MYO18A: variants seen among roughly 807,000 people sequenced by gnomAD.
MYO18A encodes the protein unconventional myosin-XVIIIa.
A neutral mutation model predicts 235.8 loss-of-function variants in MYO18A; 78 were observed. That is an observed-to-expected ratio of 0.33 (90% CI 0.28 to 0.40). The LOEUF is 0.40. MYO18A is among the 10% of genes least tolerant of loss of function. MYO18A has a pLI of 1.00. For synonymous variants in MYO18A, 977 were observed against 1,077.8 expected, an observed-to-expected ratio of 0.91 and a Z score of 1.83; for missense variants, 2,215 against 2,699.3, an observed-to-expected ratio of 0.82 and a Z score of 3.98.
intron 40 of MYO18A, among the ~76,000 whole-genome samples, chr17:29,084,559 G>C (rs533783004): frequency 6.6e-6 from 1 of 152,158 alleles, no homozygotes; most frequent in Non-Finnish European, 1.5e-5. Context: ...TTATGTCCGG[G>C]CTCATGTGCT....
At chr17:29,133,726 C>T in intron 2 of MYO18A, 1 of 1,146,618 alleles carries the variant, frequency 8.7e-7, no homozygotes, top group East Asian at 5.7e-5. Context: ...CTCCCACAAG[C>T]CAGTCTCCTG....
chr17:29,151,214 A>G (rs2067958265), intron 2 of MYO18A, among the ~76,000 whole-genome samples: 1 of 152,214 alleles, frequency 6.6e-6, no homozygotes, highest in South Asian at 2.1e-4. Flanking sequence ...AGCCTGGGTG[A>G]CAGAGCAAGA....
chr17:29,082,492 G>A (rs1472550538), intron 40 of MYO18A, 54 bp from the exon 41 acceptor site: 25 of 1,574,946 alleles, frequency 1.6e-5, no homozygotes, highest in East Asian at 2.3e-5. Context: ...TGCTGCCCAC[G>A]AGGGGAGCAG....
In MYO18A at chr17:29,120,822, G is replaced by A. The variant is rs1360817772; in HGVS notation, c.1586-64C>T. 1.3e-6 allele frequency: 2 copies of A among 1,584,084 alleles called. No homozygotes were observed. Among genetic ancestry groups the A allele is most frequent in the Non-Finnish European group, 1.7e-6 (2 of 1,163,772 alleles). The stretch of plus-strand genomic sequence containing the variant: ...GGGGCAGCTTATCCCCCAGCTAGGA[G>A]CTACCCCAGAGGTATGAAGGCTTGG... On this transcript the variant is annotated intron_variant, in intron 6 of 41. Transcript: ENST00000527372. This position sits in a 1 kb window ranked among gnomAD's most constrained non-coding sequence, Gnocchi z 4.2.
chr17:29,093,753 C>T (rs2066456442), intron 31 of MYO18A, among the ~76,000 whole-genome samples: 1 of 151,960 alleles, frequency 6.6e-6, no homozygotes, highest in Non-Finnish European at 1.5e-5. Flanking sequence ...CAGGGGGCTG[C>T]CCCTGGCACA....
rs567892591 is a variant in MYO18A at position 29,082,444 on chromosome 17, G to A, written c.5898-6C>T. The stretch of plus-strand genomic sequence containing the variant: ...CCACATCAGAGTCTCCCTCACTGTA[G>A]GGATGAGGAGCAGAAAGGTAGACAA... On this transcript the variant is annotated splice_polypyrimidine_tract_variant and splice_region_variant and intron_variant, in intron 40 of 41. Transcript: ENST00000527372. The A allele has an allele frequency of 1.7e-4, 282 of 1,612,242 alleles. 2 individuals are homozygous for A. The South Asian group carries it at 2.7e-3, about 15-fold the overall frequency.
At chr17:29,093,293 C>A in intron 32 of MYO18A, 30 bp downstream of exon 32, 1 of 1,585,690 alleles carries the variant, frequency 6.3e-7, no homozygotes, top group Non-Finnish European at 8.6e-7. Flanking sequence ...AGGGAGCCGG[C>A]CAGGCTTGGT....
intron 2 of MYO18A, chr17:29,134,086 G>T (rs1318269288): frequency 2.1e-5 from 5 of 237,306 alleles, no homozygotes; most frequent in South Asian, 1.8e-4. Flanking sequence ...TGGAAGCTGT[G>T]TGCATTGTTT....
chr17:29,097,039 G>A, intron 27 of MYO18A, 124 bp from the exon 28 acceptor site: 2 of 1,387,244 alleles, frequency 1.4e-6, no homozygotes, highest in Non-Finnish European at 9.6e-7. Context: ...GGTCTCCCAG[G>A]GAACTGAAGA....
Position 29,109,714 on chromosome 17 carries a change from A to G in MYO18A, c.3331+144T>C. On this transcript the variant is annotated intron_variant, in intron 19 of 41. Transcript: ENST00000527372. This position sits in a 1 kb window ranked among gnomAD's most constrained non-coding sequence, Gnocchi z 4.1. ...ACAAAGGGGCTGTGGGCTGGGAGAG[A>G]TGAGGAGAGACCAGAGCAGAAAGGA... 1 of 1,055,520 alleles carries G rather than the reference A, an allele frequency of 9.5e-7. No individual in the cohort carries two copies. The allele number at this position is 1,055,520 out of a possible 1,614,324, so 65.4% of individuals were successfully genotyped here. A position where few individuals can be genotyped will look rare whatever the true frequency, so the allele number is the denominator to read the frequency against.
Position 29,153,488 on chromosome 17 carries a change from C to T in MYO18A, c.999+12454G>A, listed in dbSNP as rs573459773. Among the ~76,000 whole-genome samples the T allele has an allele frequency of 3.3e-5, 5 of 152,290 alleles. No individual in the cohort carries two copies. The South Asian group carries it at 8.3e-4, about 25-fold the overall frequency. ...CATTTCATAGATGACGAAAATGAGG[C>T]ACAGAGGAATTAAATAATTTGCCCA... is the stretch of plus-strand genomic sequence containing the variant. On this transcript the variant is annotated intron_variant, in intron 2 of 41. Transcript: ENST00000527372.
Position 29,094,034 on chromosome 17 carries a change from C to T in MYO18A, c.4767G>A (p.Glu1589=). ...CCACCTCCTCATCCCGACTCTCCAT[C>T]TCCTTAGAATGGGTCTGTCTCATCC... The part of the protein sequence containing the change: ...MERMRQTHSK[E]MESRDEEVEE... Residue 1589 remains glutamate (E), a synonymous_variant, in exon 31 of 42, where the codon GAG becomes GAA. Transcript: ENST00000527372. The T allele has an allele frequency of 6.2e-7, 1 of 1,612,584 alleles. No homozygotes were observed. Among genetic ancestry groups the T allele is most frequent in the South Asian group, 1.1e-5 (1 of 90,542 alleles).
At chr17:29,115,887 G>T in intron 11 of MYO18A, 47 bp from the exon 12 acceptor site, 1 of 1,541,086 alleles carries the variant, frequency 6.5e-7, no homozygotes. Context: ...TTTTTCCTTA[G>T]GCCAGCTGAT....
At chr17:29,086,077 G>T (rs1010576491) in intron 39 of MYO18A, among the ~76,000 whole-genome samples, 10 of 152,258 alleles carry the variant, frequency 6.6e-5, no homozygotes, top group Admixed American at 2.0e-4. Context: ...GGTTTTATGA[G>T]AAAATCTCTG....
rs985328397 is a variant in MYO18A, at chr17:29,140,322, G to C, written c.1000-18069C>G. The C allele has an allele frequency of 1.4e-5, 17 of 1,243,486 alleles. No homozygotes were observed. In the African/African-American group the frequency reaches 2.5e-4, roughly 18 times the overall value. The allele number at this position is 1,243,486 out of a possible 1,614,324, so 77.0% of individuals were successfully genotyped here. A position where few individuals can be genotyped will look rare whatever the true frequency, so the allele number is the denominator to read the frequency against. On this transcript the variant is annotated intron_variant, in intron 2 of 41. Coordinates refer to ENST00000527372, the MANE Select transcript of MYO18A (RefSeq NM_078471.4). The surrounding 1 kb of genome is among the most constrained non-coding windows in gnomAD (Gnocchi z 4.2). ...AGCCTGGGACATTTCCGGGGTGGGGGGTCAGAGGGACACTCACCCGCATGG... is the reference window on the plus strand; with the variant it reads ...AGCCTGGGACATTTCCGGGGTGGGGCGTCAGAGGGACACTCACCCGCATGG...
chr17:29,121,118 G>A lies in MYO18A; in HGVS notation c.1465C>T (p.Arg489Cys), dbSNP rs746302395. ...QTAYRAMLMS[R>C]QDQSIILLGS... ...AGGAGGATGATTGACTGATCCTGACGGCTCATCAGCATCGCCCTGTATGCG... is the reference window on the plus strand; with the variant it reads ...AGGAGGATGATTGACTGATCCTGACAGCTCATCAGCATCGCCCTGTATGCG... Residue 489 changes from arginine (R) to cysteine (C), a missense_variant, in exon 6 of 42, where the codon CGT becomes TGT. Coordinates refer to ENST00000527372, the MANE Select transcript of MYO18A (RefSeq NM_078471.4). This position sits in a 1 kb window ranked among gnomAD's most constrained non-coding sequence, Gnocchi z 4.2. The A allele has an allele frequency of 7.4e-6, 12 of 1,611,662 alleles. No homozygotes were observed. The highest frequency in any genetic ancestry group is 5.0e-5 in the Admixed American group (3 of 59,708).
chr17:29,093,212 C>T, intron 32 of MYO18A, 111 bp downstream of exon 32: 1 of 1,113,280 alleles, frequency 9.0e-7, no homozygotes, highest in Non-Finnish European at 1.3e-6. Flanking sequence ...CTCTTTGCAG[C>T]ACCCCCACCC....
At chr17:29,141,744 C>T (rs1053156940) in intron 2 of MYO18A, among the ~76,000 whole-genome samples, 11 of 152,258 alleles carry the variant, frequency 7.2e-5, no homozygotes, top group Non-Finnish European at 1.0e-4. Flanking sequence ...CCAGGGGAAG[C>T]ATCTGGCCCT....
At chr17:29,080,930 G>A (rs898517985) in intron 41 of MYO18A, 1 of 985,454 alleles carries the variant, frequency 1.0e-6, no homozygotes, top group Non-Finnish European at 1.2e-6. Flanking sequence ...AGGGTGAGCC[G>A]CTTCCGATAG....
Sources: allele counts gnomAD v4.1 joint callset (sites outside exome capture counted in the v4.1 genomes callset), GRCh38; gene constraint gnomAD v4.1.1; non-coding constraint Gnocchi (gnomAD v3.1); transcripts MANE v1.5; gene names NCBI Gene and HGNC (gene_info 2026-07-23, HGNC 2026-07-21).